The following SLC14A2 variants were observed in gnomAD, a reference collection of about 807,000 sequenced individuals.
SLC14A2 encodes the protein solute carrier family 14 member 2, also known as urea transporter 2.
A neutral mutation model predicts 104.6 loss-of-function variants in SLC14A2; 91 were observed. The observed-to-expected ratio is 0.87, with a 90% CI of 0.73 to 1.04. The LOEUF (loss-of-function observed/expected upper bound fraction) is 1.04. Among genes scored for constraint, SLC14A2 ranks in the 50% least tolerant of loss-of-function variants. SLC14A2 has a pLI of 0.00. For missense variants in SLC14A2, 1,189 were observed against 1,156.0 expected (o/e 1.03, Z -0.41); for synonymous variants, 476 against 466.4 (o/e 1.02, Z -0.27).
At chr18:45,613,896 A>C (rs960745188), upstream of SLC14A2, among the ~76,000 whole-genome samples, 2 of 152,240 alleles carry the variant, frequency 1.3e-5, no homozygotes, top group Non-Finnish European at 2.9e-5. Flanking sequence ...TGGAAAGAAA[A>C]ACTCATTTTC....
intron 10 of SLC14A2, among the ~76,000 whole-genome samples, chr18:45,655,767 C>T (rs1022559175): frequency 9.2e-5 from 14 of 152,212 alleles, no homozygotes; most frequent in Non-Finnish European, 2.1e-4. Flanking sequence ...GGATGACACA[C>T]AGGTGTTCAT....
chr18:45,641,417 G>T (rs1568310137), intron 8 of SLC14A2, 74 bp downstream of exon 8: 3 of 1,542,198 alleles, frequency 1.9e-6, no homozygotes, highest in Non-Finnish European at 2.7e-6. Flanking sequence ...GAAACCCATG[G>T]GGACCACTAA....
At chr18:45,584,142 TAGAATCAC>T (rs2044535849) in intron 2 of SLC14A2, among the ~76,000 whole-genome samples, 1 of 152,356 alleles carries the variant, frequency 6.6e-6, no homozygotes, top group East Asian at 1.9e-4. Context: ...AGTGCAGGGC[TAGAATCAC>T]AGAATCAGAG....
intron 1 of SLC14A2, among the ~76,000 whole-genome samples, chr18:45,472,948 G>A (rs982399528): frequency 6.6e-6 from 1 of 152,108 alleles, no homozygotes; most frequent in African/African-American, 2.4e-5. Flanking sequence ...TGAAGTCTTT[G>A]CCCATGCCTA....
intron 1 of SLC14A2, among the ~76,000 whole-genome samples, chr18:45,284,373 G>A (rs1466827088): frequency 6.6e-6 from 1 of 152,104 alleles, no homozygotes. Flanking sequence ...GAGATTGGAG[G>A]GCAGGAAGAA....
At chr18:45,237,701 T>C (rs1420672930) in intron 1 of SLC14A2, among the ~76,000 whole-genome samples, 1 of 152,212 alleles carries the variant, frequency 6.6e-6, no homozygotes, top group Admixed American at 6.5e-5. Context: ...AGTTCTGAAA[T>C]GCTGAGAACT....
chr18:45,626,881 G>T, intron 3 of SLC14A2, 77 bp from the exon 4 acceptor site: 4 of 1,071,898 alleles, frequency 3.7e-6, no homozygotes, highest in South Asian at 1.4e-5. Flanking sequence ...TGTTTGCCTT[G>T]GTTGCCATGC....
chr18:45,669,241 C>T (rs1221031550), intron 15 of SLC14A2, 65 bp from the exon 16 acceptor site: 1 of 1,367,264 alleles, frequency 7.3e-7, no homozygotes, highest in East Asian at 2.3e-5. Context: ...GCCCCCACTG[C>T]AGCACAGTCT....
intron 1 of SLC14A2, among the ~76,000 whole-genome samples, chr18:45,245,182 T>C (rs1369589376): frequency 6.6e-6 from 1 of 152,096 alleles, no homozygotes; most frequent in Non-Finnish European, 1.5e-5. Context: ...AAACTTCTAA[T>C]TGAGGTTTCC....
At chr18:45,335,894 C>T (rs907762614) in intron 1 of SLC14A2, among the ~76,000 whole-genome samples, 4 of 152,080 alleles carry the variant, frequency 2.6e-5, no homozygotes, top group African/African-American at 7.2e-5. Flanking sequence ...GGTTCCCTGG[C>T]CAGAACAGGT....
intron 10 of SLC14A2, among the ~76,000 whole-genome samples, chr18:45,650,966 TG>T (rs2045727578): frequency 6.6e-6 from 1 of 152,128 alleles, no homozygotes; most frequent in Non-Finnish European, 1.5e-5. Flanking sequence ...CTTGAGCTCC[TG>T]ACCTTGTCAG....
intron 1 of SLC14A2, among the ~76,000 whole-genome samples, chr18:45,339,569 AACAC>A (rs138097851): frequency 3.3e-5 from 5 of 150,996 alleles, no homozygotes; most frequent in Admixed American, 6.6e-5. Flanking sequence ...CACACACACA[AACAC>A]ACACACACAC....
At chr18:45,608,413 T>G (rs1421966024) in intron 2 of SLC14A2, among the ~76,000 whole-genome samples, 1 of 152,204 alleles carries the variant, frequency 6.6e-6, no homozygotes, top group Non-Finnish European at 1.5e-5. Flanking sequence ...CCTCATGGAT[T>G]AGGAGGATTC....
chr18:45,489,337 C>A (rs548119784), intron 2 of SLC14A2, among the ~76,000 whole-genome samples: 1 of 152,088 alleles, frequency 6.6e-6, no homozygotes, highest in Non-Finnish European at 1.5e-5. Context: ...ATAGGGAAAA[C>A]CTGTCTCTAC....
intron 1 of SLC14A2, among the ~76,000 whole-genome samples, chr18:45,461,225 C>T (rs1211723909): frequency 6.6e-6 from 1 of 152,162 alleles, no homozygotes; most frequent in African/African-American, 2.4e-5. Flanking sequence ...TAAACCTAAG[C>T]CTACTAGAAT....
chr18:45,246,402 G>A (rs76342601), intron 1 of SLC14A2, among the ~76,000 whole-genome samples: 1,545 of 152,206 alleles, frequency 0.01, 9 homozygotes, highest in Non-Finnish European at 0.015. Context: ...GGATAATGTA[G>A]CATAGTCCTA....
chr18:45,321,838 C>T (rs912072351), intron 1 of SLC14A2, among the ~76,000 whole-genome samples: 1 of 152,152 alleles, frequency 6.6e-6, no homozygotes, highest in Non-Finnish European at 1.5e-5. Flanking sequence ...TAAAGGGCAC[C>T]AGTCAGTAGG....
intron 1 of SLC14A2, among the ~76,000 whole-genome samples, chr18:45,296,254 T>C (rs1180057688): frequency 2.6e-5 from 4 of 152,148 alleles, no homozygotes; most frequent in Non-Finnish European, 5.9e-5. Flanking sequence ...GAGGGGAACC[T>C]CCGAGTTCAT....
the SLC14A2 span, among the ~76,000 whole-genome samples, chr18:45,169,536 T>C: frequency 1.3e-5 from 2 of 152,194 alleles, no homozygotes; most frequent in Non-Finnish European, 2.9e-5. Context: ...AATCACAGAG[T>C]CAGAGTTACA....
Sources: gnomAD v4.1 joint callset for allele counts (sites outside exome capture counted in the v4.1 genomes callset) on GRCh38, gnomAD v4.1.1 for gene constraint, MANE v1.5 for transcripts, NCBI Gene and HGNC (gene_info 2026-07-23, HGNC 2026-07-21) for gene names.